Variants in DPH6 observed in about 807,000 individuals in gnomAD.
DPH6 encodes diphthine--ammonia ligase.
DPH6 carries 33 observed loss-of-function variants against 38.2 expected under a neutral mutation model. The ratio of observed to expected loss-of-function variants is 0.86; its 90% CI spans 0.65 to 1.15. The LOEUF is 1.15. Ranked by LOEUF, DPH6 falls within the 50% of genes most tolerant of loss-of-function variation. DPH6 has a pLI of 0.00. For missense variants in DPH6, 325 were observed against 320.0 expected (o/e 1.02, Z -0.12); for synonymous variants, 108 against 103.0 (o/e 1.05, Z -0.30).
chr15:35,522,631 T>C (rs1156798567), intron 3 of DPH6, among the ~76,000 whole-genome samples: 6 of 152,140 alleles, frequency 3.9e-5, no homozygotes, highest in African/African-American at 4.8e-5. Flanking sequence ...GTTGATTTGA[T>C]AATCAATAGG....
intron 3 of DPH6, among the ~76,000 whole-genome samples, chr15:35,363,005 A>T (rs1488758586): frequency 6.6e-6 from 1 of 152,180 alleles, no homozygotes; most frequent in Non-Finnish European, 1.5e-5. Context: ...GTAATATAAC[A>T]TTCCCTGCAT....
the DPH6 span, among the ~76,000 whole-genome samples, chr15:35,166,406 G>A: frequency 6.6e-6 from 1 of 151,866 alleles, no homozygotes; most frequent in Non-Finnish European, 1.5e-5. Flanking sequence ...CCTTATGAAG[G>A]CTCCTGTGTC....
intron 3 of DPH6, among the ~76,000 whole-genome samples, chr15:35,501,086 T>C (rs150784196): frequency 2.3e-3 from 350 of 152,286 alleles, no homozygotes; most frequent in Non-Finnish European, 4.4e-3. Flanking sequence ...TTTGATTATA[T>C]ATTTTATGAA....
In DPH6 at chr15:35,245,978, G is replaced by A. The variant is rs140990305; in HGVS notation, n.201-25396C>T. 1.7e-4 allele frequency among the ~76,000 whole-genome samples: 26 copies of A among 152,250 alleles called. 4 individuals are homozygous for A. Among genetic ancestry groups the A allele is most frequent in the East Asian group, 5.8e-4 (3 of 5,176 alleles). On this transcript the variant is annotated intron_variant and non_coding_transcript_variant, in intron 3 of 3. Transcript: ENST00000560386. The stretch of plus-strand genomic sequence containing the variant: ...AATGACAAAAGAAGTGAAAATGGCC[G>A]GTTCCTGCCTTAACTGATGACATTA...
intron 3 of DPH6, among the ~76,000 whole-genome samples, chr15:35,358,087 T>G (rs2052582078): frequency 6.6e-6 from 1 of 152,114 alleles, no homozygotes; most frequent in African/African-American, 2.4e-5. Flanking sequence ...ATTTTCTTAT[T>G]CTTTTTTCTG....
intron 5 of DPH6, among the ~76,000 whole-genome samples, chr15:35,442,347 T>C (rs8037827): frequency 0.21 from 31,824 of 152,052 alleles, 4,241 homozygotes; most frequent in African/African-American, 0.38. Flanking sequence ...ACATTCACCA[T>C]GATAGCTATA....
intron 3 of DPH6, among the ~76,000 whole-genome samples, chr15:35,492,252 C>T (rs1018125785): frequency 1.1e-4 from 16 of 152,058 alleles, no homozygotes; most frequent in Non-Finnish European, 2.1e-4. Context: ...TGCTTTACTC[C>T]GTTTACAAAT....
the DPH6 span, among the ~76,000 whole-genome samples, chr15:35,205,454 T>C: frequency 5.3e-5 from 8 of 152,170 alleles, no homozygotes; most frequent in South Asian, 8.3e-4. Flanking sequence ...TCTTGGCCCA[T>C]TGAACACGAT....
chr15:35,458,788 G>A (rs1276101748), intron 3 of DPH6, among the ~76,000 whole-genome samples: 2 of 152,144 alleles, frequency 1.3e-5, no homozygotes, highest in Non-Finnish European at 2.9e-5. Flanking sequence ...CTCAACTGAG[G>A]TATAATCATG....
chr15:35,288,171 A>G (rs998387429), intron 3 of DPH6, among the ~76,000 whole-genome samples: 2 of 152,208 alleles, frequency 1.3e-5, no homozygotes, highest in Non-Finnish European at 2.9e-5. Flanking sequence ...TGGGAACATT[A>G]TCAAGGTCAG....
intron 3 of DPH6, among the ~76,000 whole-genome samples, chr15:35,356,116 C>T (rs921584296): frequency 3.3e-5 from 5 of 152,130 alleles, no homozygotes; most frequent in South Asian, 2.1e-4. Flanking sequence ...GTTCTCGTGC[C>T]GTAGTTTTCA....
chr15:35,155,098 T>C, the DPH6 span, among the ~76,000 whole-genome samples: 8 of 152,216 alleles, frequency 5.3e-5, no homozygotes, highest in Admixed American at 4.6e-4. Flanking sequence ...GGCCTGTCTA[T>C]GACCTTCAGC....
At chr15:35,359,244 C>A (rs1273145803) in intron 3 of DPH6, among the ~76,000 whole-genome samples, 1 of 152,072 alleles carries the variant, frequency 6.6e-6, no homozygotes, top group Non-Finnish European at 1.5e-5. Flanking sequence ...CCCCTCAACA[C>A]CCCCCAGACT....
chr15:35,337,825 A>G (rs1342774172), intron 3 of DPH6, among the ~76,000 whole-genome samples: 3 of 152,184 alleles, frequency 2.0e-5, no homozygotes, highest in Admixed American at 2.0e-4. Context: ...TACTGGTACC[A>G]AAACAGAGAT....
At chr15:35,186,025 C>CGA in the DPH6 span, among the ~76,000 whole-genome samples, 1 of 152,188 alleles carries the variant, frequency 6.6e-6, no homozygotes, top group African/African-American at 2.4e-5. Flanking sequence ...TGAGCCACTG[C>CGA]GCCCGGCCCC....
rs1595440058 is a variant in DPH6 at position 35,521,817 on chromosome 15, T to C, written c.312+16457A>G. 29 of 1,265,438 alleles carry C rather than the reference T, an allele frequency of 2.3e-5. No homozygotes were observed. In the East Asian group the frequency reaches 3.0e-4, roughly 13 times the overall value. The allele number at this position is 1,265,438 out of a possible 1,614,324, so 78.4% of individuals were successfully genotyped here. A position where few individuals can be genotyped will look rare whatever the true frequency, so the allele number is the denominator to read the frequency against. On this transcript the variant is annotated intron_variant, in intron 3 of 8. Coordinates refer to ENST00000256538, the MANE Select transcript of DPH6 (RefSeq NM_080650.4). ...CATTTTACTTAACTACATTGGATAA[T>C]AGCAGTGCTCCTAAAGGAGTATAAA...
chr15:35,225,061 T>C (rs1170934490), intron 3 of DPH6, among the ~76,000 whole-genome samples: 4 of 152,248 alleles, frequency 2.6e-5, no homozygotes, highest in Non-Finnish European at 5.9e-5. Context: ...TTCAGCCATA[T>C]GTCTCCTTAG....
chr15:35,496,567 A>AAAAAAAAAATATATATATAT, intron 3 of DPH6, among the ~76,000 whole-genome samples: 1 of 31,012 alleles, frequency 3.2e-5, no homozygotes, highest in African/African-American at 1.4e-4. Flanking sequence ...AAAAAAAAAA[A>AAAAAAAAAATATATATATAT]ATATATATAT....
At position 35,436,499 on chromosome 15, in the gene DPH6, C is replaced by CAAA. The variant is rs367633039; in HGVS notation, c.505+14183_505+14185dup. Among the ~76,000 whole-genome samples the CAAA allele has an allele frequency of 3.3e-3, 73 of 21,964 alleles. 4 individuals carry two copies. Among genetic ancestry groups the CAAA allele is most frequent in the African/African-American group, 5.3e-3 (65 of 12,326 alleles). 14.4% of individuals were successfully genotyped at this position (21,964 alleles called of 152,430 possible). ...CAAACAAAAACAAAACAAAACAAAACAAAACAAAACAAAACAAAAAAGGTT... is the reference window on the plus strand; with the variant it reads ...CAAACAAAAACAAAACAAAACAAAACAAAAAAACAAAACAAAACAAAAAAGGTT... On this transcript the variant is annotated intron_variant, in intron 5 of 8. Coordinates refer to ENST00000256538, the MANE Select transcript of DPH6 (RefSeq NM_080650.4).
Sources: gnomAD v4.1 joint callset for allele counts (sites outside exome capture counted in the v4.1 genomes callset) on GRCh38, gnomAD v4.1.1 for gene constraint, MANE v1.5 for transcripts, NCBI Gene and HGNC (gene_info 2026-07-23, HGNC 2026-07-21) for gene names.